The following RBFOX3 variants were observed in gnomAD, a reference collection of about 807,000 sequenced individuals.
The protein encoded by RBFOX3 is RNA binding protein fox-1 homolog 3.
RBFOX3 carries 17 observed loss-of-function variants against 48.7 expected under a neutral mutation model. The ratio of observed to expected loss-of-function variants is 0.35; its 90% CI spans 0.24 to 0.52. RBFOX3 has a LOEUF of 0.52. RBFOX3 is among the 20% of genes least tolerant of loss of function. RBFOX3 has a pLI of 0.94. For synonymous variants in RBFOX3, 212 were observed against 209.5 expected, an observed-to-expected ratio of 1.01 and a Z score of -0.10; for missense variants, 382 against 497.5, an observed-to-expected ratio of 0.77 and a Z score of 2.21.
At chr17:79,367,784 G>A (rs903912011) in intron 2 of RBFOX3, among the ~76,000 whole-genome samples, 1 of 152,106 alleles carries the variant, frequency 6.6e-6, no homozygotes, top group East Asian at 1.9e-4. Context: ...TGGCAGCCAA[G>A]GTATGTGACA....
chr17:79,135,455 C>T (rs1169056215), intron 4 of RBFOX3, among the ~76,000 whole-genome samples: 1 of 152,216 alleles, frequency 6.6e-6, no homozygotes, highest in Non-Finnish European at 1.5e-5. Flanking sequence ...GGGCTGGACA[C>T]AGGGATGCTC....
intron 1 of RBFOX3, among the ~76,000 whole-genome samples, chr17:79,575,947 G>C (rs968293678): frequency 1.2e-4 from 19 of 152,374 alleles, no homozygotes; most frequent in Non-Finnish European, 8.8e-5. Flanking sequence ...AGCTTGGAGG[G>C]ATGCTGTGCT....
chr17:79,131,915 G>A (rs1001258385), intron 4 of RBFOX3, among the ~76,000 whole-genome samples: 4 of 152,084 alleles, frequency 2.6e-5, no homozygotes, highest in African/African-American at 4.8e-5. Flanking sequence ...CCAGACGAGG[G>A]GACAGATTTT....
intron 1 of RBFOX3, among the ~76,000 whole-genome samples, chr17:79,549,390 C>T (rs2090901110): frequency 6.6e-6 from 1 of 152,262 alleles, no homozygotes; most frequent in African/African-American, 2.4e-5. Context: ...CCTTTTTCCA[C>T]TAGAGACAGG....
intron 4 of RBFOX3, among the ~76,000 whole-genome samples, chr17:79,154,557 A>G (rs1450521647): frequency 2.0e-5 from 3 of 152,158 alleles, no homozygotes; most frequent in Admixed American, 6.5e-5. Flanking sequence ...CTGACTGGAG[A>G]GGTCTGGCTG....
chr17:79,100,501 G>A (rs1364375181), intron 9 of RBFOX3: 1 of 152,226 alleles, frequency 6.6e-6, no homozygotes, highest in Non-Finnish European at 1.5e-5. Context: ...CGGACACCAG[G>A]AGAAGAGCTC....
intron 3 of RBFOX3, among the ~76,000 whole-genome samples, chr17:79,301,820 G>A (rs1040192336): frequency 1.3e-5 from 2 of 152,196 alleles, no homozygotes; most frequent in Non-Finnish European, 2.9e-5. Flanking sequence ...AATGAGCCCC[G>A]AAGATCTTAT....
At chr17:79,644,285 T>G in the RBFOX3 span, among the ~76,000 whole-genome samples, 1 of 16,926 alleles carries the variant, frequency 5.9e-5, no homozygotes. Context: ...CTGGAACTTT[T>G]GCAGAAAATA....
chr17:79,513,265 A>G (rs1427965897), intron 1 of RBFOX3, among the ~76,000 whole-genome samples: 2 of 151,954 alleles, frequency 1.3e-5, no homozygotes, highest in Non-Finnish European at 2.9e-5. Context: ...GCCAGGGGAC[A>G]CACACCCGAA....
At chr17:79,348,571 C>CTT (rs71358701) in intron 2 of RBFOX3, among the ~76,000 whole-genome samples, 10,903 of 75,230 alleles carry the variant, frequency 0.14, 1,873 homozygotes, top group Non-Finnish European at 0.19. Flanking sequence ...TTTTCTTTTC[C>CTT]TTTTTTTTTT....
intron 3 of RBFOX3, among the ~76,000 whole-genome samples, chr17:79,306,921 C>A (rs1014612371): frequency 5.3e-5 from 8 of 152,210 alleles, no homozygotes; most frequent in African/African-American, 1.9e-4. Context: ...GTCTGGGGCC[C>A]GACATCCACG....
intron 11 of RBFOX3, among the ~76,000 whole-genome samples, 196 bp downstream of exon 11, chr17:79,097,096 G>A (rs556257149): frequency 5.5e-4 from 83 of 152,204 alleles, no homozygotes; most frequent in African/African-American, 2.0e-3. Context: ...TGACCTCCGC[G>A]ATGCCCGCCG....
chr17:79,147,869 G>T (rs945139549), intron 4 of RBFOX3, among the ~76,000 whole-genome samples: 27 of 152,236 alleles, frequency 1.8e-4, no homozygotes, highest in African/African-American at 6.5e-4. Flanking sequence ...CTGTCAACAT[G>T]AAACAGAGGC....
intron 2 of RBFOX3, among the ~76,000 whole-genome samples, chr17:79,452,478 G>A (rs2073713506): frequency 6.6e-6 from 1 of 152,224 alleles, no homozygotes; most frequent in African/African-American, 2.4e-5. Flanking sequence ...TGATTGTCCA[G>A]GTTGAGGCTG....
At chr17:79,498,003 C>G (rs932318323) in intron 1 of RBFOX3, among the ~76,000 whole-genome samples, 96 of 152,348 alleles carry the variant, frequency 6.3e-4, no homozygotes, top group Non-Finnish European at 1.1e-3. Context: ...ATGGTGGGAA[C>G]AGCTGTGGGT....
intron 3 of RBFOX3, among the ~76,000 whole-genome samples, chr17:79,283,525 T>C (rs1452316395): frequency 6.7e-6 from 1 of 150,146 alleles, no homozygotes; most frequent in Non-Finnish European, 1.5e-5. Context: ...CGCCTCGGCC[T>C]CCCAAAGTGC....
chr17:79,529,061 T>A (rs2087268267), intron 1 of RBFOX3, among the ~76,000 whole-genome samples: 1 of 152,220 alleles, frequency 6.6e-6, no homozygotes. Flanking sequence ...CACACCTCCA[T>A]GTGAATGGAT....
intron 1 of RBFOX3, among the ~76,000 whole-genome samples, chr17:79,497,892 G>C (rs1014438012): frequency 2.8e-4 from 43 of 152,340 alleles, no homozygotes; most frequent in African/African-American, 9.1e-4. Context: ...CAGGACTCCA[G>C]GAGCTTCCCC....
At chr17:79,428,254 T>G (rs1210667093) in intron 2 of RBFOX3, among the ~76,000 whole-genome samples, 1 of 152,154 alleles carries the variant, frequency 6.6e-6, no homozygotes, top group Non-Finnish European at 1.5e-5. Context: ...AGGCACAGTT[T>G]CCCCGGAGCC....
Sources: gnomAD v4.1 joint callset for allele counts (sites outside exome capture counted in the v4.1 genomes callset) on GRCh38, gnomAD v4.1.1 for gene constraint, MANE v1.5 for transcripts, NCBI Gene and HGNC (gene_info 2026-07-23, HGNC 2026-07-21) for gene names.